The following SAXO1 variants were observed in gnomAD, a reference collection of about 807,000 sequenced individuals.
SAXO1 encodes the protein 4930500O09Rik.
In SAXO1, 21 loss-of-function variants were observed where a neutral mutation model predicts 17.5. That is an observed-to-expected ratio of 1.20 (90% confidence interval 0.85 to 1.72). The LOEUF (loss-of-function observed/expected upper bound fraction) is 1.72. Ranked by LOEUF, SAXO1 falls within the 40% of genes most tolerant of loss-of-function variation. The probability of loss-of-function intolerance (pLI) is 0.00; values close to 1 mark genes in which losing one functional copy is unlikely to be tolerated. For synonymous variants in SAXO1, 274 were observed against 216.5 expected (o/e 1.27, Z -2.33); for missense variants, 843 against 596.0 (o/e 1.41, Z -4.32).
chr9:18,978,824 C>T (rs1463519946), intron 1 of SAXO1, among the ~76,000 whole-genome samples: 1 of 152,198 alleles, frequency 6.6e-6, no homozygotes, highest in East Asian at 1.9e-4. Flanking sequence ...AAGATCCAAC[C>T]CCATGTTGAG....
intron 1 of SAXO1, among the ~76,000 whole-genome samples, chr9:18,982,941 GC>G (rs1209162094): frequency 6.6e-6 from 1 of 152,162 alleles, no homozygotes; most frequent in Non-Finnish European, 1.5e-5. Context: ...ATTTCATAAA[GC>G]TTAGTGTGAA....
chr9:18,990,188 A>G (rs1833761862), intron 1 of SAXO1, among the ~76,000 whole-genome samples: 1 of 151,334 alleles, frequency 6.6e-6, no homozygotes, highest in Non-Finnish European at 1.5e-5. Context: ...TTTTTTCCTA[A>G]CAACTACCAA....
intron 1 of SAXO1, chr9:19,027,394 T>C (rs956164078): frequency 1.3e-6 from 1 of 764,258 alleles, no homozygotes; most frequent in Non-Finnish European, 2.4e-6. Flanking sequence ...CACGGAGCAA[T>C]ACAGTGACAC....
intron 1 of SAXO1, 41 bp from the exon 2 acceptor site, chr9:18,950,978 GA>G (rs776792464): frequency 6.4e-7 from 1 of 1,568,904 alleles, no homozygotes; most frequent in East Asian, 2.3e-5. Flanking sequence ...CTTCTTGGGA[GA>G]AAAAAACCCA....
At chr9:18,990,949 T>G (rs530532477) in intron 1 of SAXO1, among the ~76,000 whole-genome samples, 87 of 152,260 alleles carry the variant, frequency 5.7e-4, no homozygotes, top group Non-Finnish European at 9.0e-4. Flanking sequence ...TATTACAATA[T>G]AATAATGATA....
At chr9:18,961,251 G>A (rs1256611516) in intron 1 of SAXO1, among the ~76,000 whole-genome samples, 1 of 151,764 alleles carries the variant, frequency 6.6e-6, no homozygotes, top group Admixed American at 6.6e-5. Context: ...GCTAAGTACA[G>A]CCTCAACCTC....
At chr9:18,930,633 G>A (rs555347017) in intron 3 of SAXO1, among the ~76,000 whole-genome samples, 1 of 152,124 alleles carries the variant, frequency 6.6e-6, no homozygotes, top group Non-Finnish European at 1.5e-5. Context: ...CCTAGTAGCT[G>A]GGATTACAGG....
At chr9:19,024,266 C>T (rs910828379) in intron 1 of SAXO1, among the ~76,000 whole-genome samples, 14 of 151,868 alleles carry the variant, frequency 9.2e-5, no homozygotes, top group Admixed American at 9.2e-4. Flanking sequence ...GCACTAAACC[C>T]CAACATACCC....
intron 1 of SAXO1, among the ~76,000 whole-genome samples, chr9:18,999,103 C>A (rs377242447): frequency 6.6e-6 from 1 of 152,210 alleles, no homozygotes; most frequent in African/African-American, 2.4e-5. Context: ...TCACACATAA[C>A]AATATGAACC....
chr9:18,952,795 A>G (rs1373408298), intron 1 of SAXO1, among the ~76,000 whole-genome samples: 1 of 152,246 alleles, frequency 6.6e-6, no homozygotes, highest in African/African-American at 2.4e-5. Flanking sequence ...TACAATCAAG[A>G]AAAGTGTGCT....
At chr9:19,042,765 G>A (rs917753369) in intron 1 of SAXO1, among the ~76,000 whole-genome samples, 12 of 152,212 alleles carry the variant, frequency 7.9e-5, no homozygotes, top group African/African-American at 2.4e-4. Flanking sequence ...GGGAGGCTGA[G>A]GCAGGAGAAT....
chr9:19,021,963 C>T (rs1300754550), intron 1 of SAXO1, among the ~76,000 whole-genome samples: 1 of 152,208 alleles, frequency 6.6e-6, no homozygotes, highest in Non-Finnish European at 1.5e-5. Flanking sequence ...CAAGGGCAAC[C>T]TGCTCAGCAG....
chr9:18,931,588 C>G (rs906665471), intron 3 of SAXO1, among the ~76,000 whole-genome samples: 1 of 152,144 alleles, frequency 6.6e-6, no homozygotes, highest in Non-Finnish European at 1.5e-5. Context: ...AAGATACTGC[C>G]AAATGTTCTC....
At chr9:19,007,984 T>TC (rs1452817432) in intron 1 of SAXO1, among the ~76,000 whole-genome samples, 1 of 151,950 alleles carries the variant, frequency 6.6e-6, no homozygotes, top group Non-Finnish European at 1.5e-5. Context: ...TTTTTTTTTT[T>TC]TTTTGGAGAC....
intron 1 of SAXO1, 139 bp downstream of exon 1, chr9:19,032,732 C>G: frequency 2.2e-6 from 2 of 896,786 alleles, no homozygotes; most frequent in South Asian, 3.4e-5. Flanking sequence ...CTAGTTGACA[C>G]AATTGTGGCT....
intron 2 of SAXO1, among the ~76,000 whole-genome samples, chr9:18,944,138 C>T (rs1831696542): frequency 6.6e-6 from 1 of 151,784 alleles, no homozygotes; most frequent in Non-Finnish European, 1.5e-5. Flanking sequence ...ATTTAAGTTC[C>T]TTTGTAAGTG....
upstream of SAXO1, among the ~76,000 whole-genome samples, chr9:19,038,134 C>T (rs10117945): frequency 0.48 from 73,070 of 151,942 alleles, 19,088 homozygotes; most frequent in African/African-American, 0.7. Context: ...TGTGGAGAAA[C>T]AGGGACACTT....
At chr9:18,964,957 C>G (rs377258717) in intron 1 of SAXO1, among the ~76,000 whole-genome samples, 29 of 152,180 alleles carry the variant, frequency 1.9e-4, no homozygotes, top group African/African-American at 6.8e-4. Context: ...TGCATTGTCT[C>G]TTTGTTCTCA....
intron 1 of SAXO1, among the ~76,000 whole-genome samples, chr9:18,979,826 G>T (rs538917626): frequency 6.6e-6 from 1 of 152,294 alleles, no homozygotes; most frequent in Admixed American, 6.5e-5. Flanking sequence ...GGGCAAAAGA[G>T]AAAGACCTCA....
Sources: allele counts gnomAD v4.1 joint callset (sites outside exome capture counted in the v4.1 genomes callset), GRCh38; gene constraint gnomAD v4.1.1; transcripts MANE v1.5; gene names NCBI Gene and HGNC (gene_info 2026-07-23, HGNC 2026-07-21).